Variants in DOC2B observed in about 807,000 individuals in gnomAD.
The protein encoded by DOC2B is double C2 domain beta.
In DOC2B, 21 loss-of-function variants were observed where a neutral mutation model predicts 28.9. The observed-to-expected ratio is 0.73, with a 90% CI of 0.52 to 1.05. DOC2B has a LOEUF of 1.05. DOC2B is among the 50% of genes least tolerant of loss of function. The pLI, the probability that DOC2B is intolerant of heterozygous loss-of-function variation, is 0.00. For synonymous variants in DOC2B, 194 were observed against 178.1 expected, an observed-to-expected ratio of 1.09 and a Z score of -0.71; for missense variants, 384 against 421.1, an observed-to-expected ratio of 0.91 and a Z score of 0.77.
Position 181,386 on chromosome 17 carries a change from G to T in DOC2B, c.94C>A (p.Gln32Lys). Reference protein sequence around the residue: ...VCPGPIRPIKQISDYFPRFPR... With the variant: ...VCPGPIRPIKKISDYFPRFPR... ...AAGCGGGGGAAGTAGTCGGAGATCTGCTTGATGGGACGGATGGGGCCGGGG... is the reference window on the plus strand; with the variant it reads ...AAGCGGGGGAAGTAGTCGGAGATCTTCTTGATGGGACGGATGGGGCCGGGG... The change falls in exon 1 of 9, where the codon CAG becomes AAG. Residue 32 changes from glutamine to lysine, a missense_variant. Physicochemically the swap from Gln to Lys is moderately conservative, Grantham distance 53. Transcript: ENST00000613549. The surrounding 1 kb of genome is among the most constrained non-coding windows in gnomAD (Gnocchi z 7.0). 1.7e-6 allele frequency: 2 copies of T among 1,161,368 alleles called. No homozygotes were observed. The highest frequency in any genetic ancestry group is 1.1e-6 in the Non-Finnish European group (1 of 937,544). The allele number at this position is 1,161,368 out of a possible 1,614,324, so 71.9% of individuals were successfully genotyped here.
intron 2 of DOC2B, among the ~76,000 whole-genome samples, chr17:169,214 A>T (rs1163026411): frequency 1.3e-5 from 2 of 152,140 alleles, no homozygotes; most frequent in East Asian, 3.9e-4. Context: ...GAGTGAAAGA[A>T]GGCAGACTCA....
In DOC2B at chr17:181,195, G is replaced by A. The variant is rs1472074281; in HGVS notation, c.285C>T (p.Gly95=). ...GCGCGGGGCTGGGACCCGGGCTGGGGCCCGGGCTGGAGCCGTAGGCTCCGA... is the reference window on the plus strand; with the variant it reads ...GCGCGGGGCTGGGACCCGGGCTGGGACCCGGGCTGGAGCCGTAGGCTCCGA... ...QLFGAYGSSP[G]PSPGPSPARP... Residue 95 remains glycine (G), a synonymous_variant, in exon 1 of 9, where the codon GGC becomes GGT. Transcript: ENST00000613549. This position sits in a 1 kb window ranked among gnomAD's most constrained non-coding sequence, Gnocchi z 7.0. The A allele has an allele frequency of 1.5e-5, 18 of 1,237,342 alleles. No homozygotes were observed. The highest frequency in any genetic ancestry group is 3.4e-5 in the South Asian group (1 of 29,158). 76.6% of individuals were successfully genotyped at this position (1,237,342 alleles called of 1,614,324 possible). A position where few individuals can be genotyped will look rare whatever the true frequency, so the allele number is the denominator to read the frequency against.
chr17:151,541 C>G (rs1237095607), intron 6 of DOC2B, among the ~76,000 whole-genome samples: 1 of 152,146 alleles, frequency 6.6e-6, no homozygotes, highest in Non-Finnish European at 1.5e-5. Context: ...CAACCTGTAC[C>G]TCAATAAACC....
At chr17:170,509 G>A (rs1597831423) in intron 2 of DOC2B, among the ~76,000 whole-genome samples, 1 of 152,134 alleles carries the variant, frequency 6.6e-6, no homozygotes, top group Non-Finnish European at 1.5e-5. Flanking sequence ...CCTGCAGGTT[G>A]GGAGGCTGGG....
rs1387790471 is a variant in DOC2B, at chr17:181,486, A to AGCGCC, written c.-12_-8dup. 5.8e-6 allele frequency: 6 copies of AGCGCC among 1,030,892 alleles called. No individual in the cohort carries two copies. Among genetic ancestry groups the AGCGCC allele is most frequent in the Non-Finnish European group, 7.0e-6 (6 of 861,902 alleles). 63.9% of individuals were successfully genotyped at this position (1,030,892 alleles called of 1,614,324 possible). A position where few individuals can be genotyped will look rare whatever the true frequency, so the allele number is the denominator to read the frequency against. ...CGCGCCGCCGGAGGGTCATGCAGGC[A>AGCGCC]GCGCCGCCCCGCCCCGGGCGCGGCC... On this transcript the variant is annotated 5_prime_UTR_variant, in exon 1 of 9. Coordinates refer to ENST00000613549, the MANE Select transcript of DOC2B (RefSeq NM_003585.5). This position sits in a 1 kb window ranked among gnomAD's most constrained non-coding sequence, Gnocchi z 7.0.
intron 6 of DOC2B, among the ~76,000 whole-genome samples, chr17:149,453 C>A (rs2040049288): frequency 6.6e-6 from 1 of 152,210 alleles, no homozygotes; most frequent in Non-Finnish European, 1.5e-5. Context: ...CCTCCATCCC[C>A]CTAGGAAAGG....
intron 2 of DOC2B, among the ~76,000 whole-genome samples, chr17:170,140 G>A (rs1326536996): frequency 6.6e-6 from 1 of 152,222 alleles, no homozygotes; most frequent in Non-Finnish European, 1.5e-5. Flanking sequence ...GTTGGACAGA[G>A]GGAAAGGAGG....
chr17:180,264 C>T (rs1037507774), intron 1 of DOC2B, among the ~76,000 whole-genome samples: 1 of 152,252 alleles, frequency 6.6e-6, no homozygotes, highest in Non-Finnish European at 1.5e-5. Flanking sequence ...CCAGCCAGTC[C>T]CGGCTCGGGC....
intron 2 of DOC2B, among the ~76,000 whole-genome samples, chr17:170,295 T>C (rs945958303): frequency 2.6e-5 from 4 of 151,270 alleles, no homozygotes; most frequent in African/African-American, 9.7e-5. Flanking sequence ...AGGGCAGGGG[T>C]GGGATGGAGC....
chr17:148,451 C>A (rs2040038560), intron 7 of DOC2B, among the ~76,000 whole-genome samples, 182 bp from the exon 8 acceptor site: 1 of 152,104 alleles, frequency 6.6e-6, no homozygotes, highest in South Asian at 2.1e-4. Context: ...GTCTTCAGGG[C>A]CCCTGTCCCC....
rs750277785 is a variant in DOC2B at position 158,306 on chromosome 17, C to A, written c.766-1929G>T. Among the ~76,000 whole-genome samples, 14 of 152,144 alleles carry A rather than the reference C, an allele frequency of 9.2e-5. 1 individual carries two copies. Among genetic ancestry groups the A allele is most frequent in the Non-Finnish European group, 1.8e-4 (12 of 68,014 alleles). ...CAGCTTGAGCCCACCCACACACGCC[C>A]AGCTTGAGCCCTGTGTCCCCCTGGA... is the stretch of plus-strand genomic sequence containing the variant. On this transcript the variant is annotated intron_variant, in intron 5 of 8. Coordinates refer to ENST00000613549, the MANE Select transcript of DOC2B (RefSeq NM_003585.5).
At chr17:155,251 C>G (rs2040121048) in intron 6 of DOC2B, among the ~76,000 whole-genome samples, 1 of 152,114 alleles carries the variant, frequency 6.6e-6, no homozygotes, top group African/African-American at 2.4e-5. Context: ...CCTTGGCCTC[C>G]CAAAGTGTTC....
At chr17:160,939 C>T (rs893612622) in intron 5 of DOC2B, among the ~76,000 whole-genome samples, 1 of 152,194 alleles carries the variant, frequency 6.6e-6, no homozygotes, top group Admixed American at 6.5e-5. Context: ...GTGGTCCCTG[C>T]TGAGTCCTCT....
chr17:165,078 C>CTGGGACACGGAGGCTGCAGTG (rs2040246757), intron 2 of DOC2B, among the ~76,000 whole-genome samples: 1 of 152,136 alleles, frequency 6.6e-6, no homozygotes, highest in African/African-American at 2.4e-5. Flanking sequence ...CAGGGGCTTC[C>CTGGGACACGGAGGCTGCAGTG]AACCACCTAC....
At chr17:164,428 G>A (rs2040239466) in intron 2 of DOC2B, among the ~76,000 whole-genome samples, 1 of 152,136 alleles carries the variant, frequency 6.6e-6, no homozygotes, top group Non-Finnish European at 1.5e-5. Flanking sequence ...CTGTCATGGG[G>A]CCTCTGTCAG....
At chr17:166,016 C>T (rs952151604) in intron 2 of DOC2B, among the ~76,000 whole-genome samples, 16 of 152,310 alleles carry the variant, frequency 1.1e-4, no homozygotes, top group African/African-American at 3.8e-4. Context: ...CTCCGTACCC[C>T]GAGACACCCG....
chr17:174,899 ACT>A (rs2040351987), intron 1 of DOC2B, among the ~76,000 whole-genome samples: 1 of 152,194 alleles, frequency 6.6e-6, no homozygotes, highest in African/African-American at 2.4e-5. Flanking sequence ...CAGATGGATC[ACT>A]TGAGCTCAGG....
Position 156,335 on chromosome 17 carries a change from T to A in DOC2B, c.808A>T (p.Ile270Phe). ...GAGCTGTACTTGAGGGAGATGAGGA[T>A]GCGGCCCCGCTCCTCCAGGGACTTG... ...EDKSLEERGR[I>F]LISLKYSSQK... Residue 270 changes from isoleucine to phenylalanine, a missense_variant, in exon 6 of 9, where the codon ATC becomes TTC. By Grantham distance (21) the Ile-to-Phe change is conservative (BLOSUM62 0). Transcript: ENST00000613549. The A allele has an allele frequency of 6.5e-7, 1 of 1,547,890 alleles. No homozygotes were observed. The highest frequency in any genetic ancestry group is 8.7e-7 in the Non-Finnish European group (1 of 1,143,692).
chr17:147,464 G>C lies in DOC2B; in HGVS notation c.1216C>G (p.Pro406Ala), dbSNP rs1387390138. ...CGTCAGTCGCTGAGCACAGCCCCTG[G>C]GAGCTCGCTGGTGAGCGTGTGCCAG... ...ERWHTLTSELPGAVLSD is the reference protein window; with the variant it reads ...ERWHTLTSELAGAVLSD The change falls in exon 9 of 9, where the codon CCA (proline) becomes GCA (alanine). Residue 406 changes from proline to alanine, a missense_variant. Transcript: ENST00000613549. 4 of 398,670 alleles carry C rather than the reference G, an allele frequency of 1.0e-5. No homozygotes were observed. The highest frequency in any genetic ancestry group is 1.8e-5 in the Non-Finnish European group (4 of 226,168). 24.7% of individuals were successfully genotyped at this position (398,670 alleles called of 1,614,324 possible).
Sources: allele counts gnomAD v4.1 joint callset (sites outside exome capture counted in the v4.1 genomes callset), GRCh38; gene constraint gnomAD v4.1.1; non-coding constraint Gnocchi (gnomAD v3.1); transcripts MANE v1.5; gene names NCBI Gene and HGNC (gene_info 2026-07-23, HGNC 2026-07-21).